The following CYTH3 variants were observed in gnomAD, a reference collection of about 807,000 sequenced individuals.
CYTH3 encodes the protein cytohesin 3, also known as cytohesin-3.
A neutral mutation model predicts 55.1 loss-of-function variants in CYTH3; 23 were observed. That is an observed-to-expected ratio of 0.42 (90% CI 0.30 to 0.59). CYTH3 has a LOEUF of 0.59. Among genes scored for constraint, CYTH3 ranks in the 20% least tolerant of loss-of-function variants. The pLI, the probability that CYTH3 is intolerant of heterozygous loss-of-function variation, is 0.20. For synonymous variants in CYTH3, 249 were observed against 194.9 expected, an observed-to-expected ratio of 1.28 and a Z score of -2.31; for missense variants, 413 against 524.8, an observed-to-expected ratio of 0.79 and a Z score of 2.08.
At chr7:6,207,086 C>CT (rs58910123) in intron 1 of CYTH3, among the ~76,000 whole-genome samples, 7,070 of 104,088 alleles carry the variant, frequency 0.068, 1,371 homozygotes, top group East Asian at 0.36. Context: ...AAATGTGCAA[C>CT]TTTTTTTTTT....
chr7:6,272,045 C>T (rs912226798), intron 1 of CYTH3, among the ~76,000 whole-genome samples: 1 of 152,240 alleles, frequency 6.6e-6, no homozygotes, highest in Non-Finnish European at 1.5e-5. Context: ...CCCGGTTTCC[C>T]ACCGGCTCAG....
intron 2 of CYTH3, among the ~76,000 whole-genome samples, chr7:6,189,247 C>A (rs573475667): frequency 1.3e-5 from 2 of 152,284 alleles, no homozygotes; most frequent in Non-Finnish European, 1.5e-5. Context: ...CTACCCCATC[C>A]TCTGAGTAAA....
chr7:6,201,225 TC>T (rs1006411872), intron 1 of CYTH3, among the ~76,000 whole-genome samples: 4 of 152,080 alleles, frequency 2.6e-5, no homozygotes, highest in Non-Finnish European at 5.9e-5. Flanking sequence ...AACTATGACA[TC>T]CAGGTGGGTA....
chr7:6,211,121 C>G (rs1353328547), intron 1 of CYTH3, among the ~76,000 whole-genome samples: 1 of 152,200 alleles, frequency 6.6e-6, no homozygotes, highest in Non-Finnish European at 1.5e-5. Context: ...TAGTGCCCTC[C>G]CTGATCCGAC....
chr7:6,207,527 A>G (rs1376048099), intron 1 of CYTH3, among the ~76,000 whole-genome samples: 1 of 152,120 alleles, frequency 6.6e-6, no homozygotes, highest in African/African-American at 2.4e-5. Context: ...TACTTTGGGA[A>G]GCCAAGGGGG....
chr7:6,225,430 C>T lies in CYTH3; in HGVS notation c.35-34899G>A, dbSNP rs372651211. Among the ~76,000 whole-genome samples, 293 of 150,350 alleles carry T rather than the reference C, an allele frequency of 1.9e-3. 2 individuals are homozygous for T. The highest frequency in any genetic ancestry group is 6.8e-3 in the African/African-American group (272 of 40,264). On this transcript the variant is annotated intron_variant, in intron 1 of 12. Coordinates refer to ENST00000350796, the MANE Select transcript of CYTH3 (RefSeq NM_004227.4). ...GTGCAATGGCACGATCTCGGCTCAC[C>T]ACAACCTCTACCTCCCGGGTTCAAG...
intron 1 of CYTH3, among the ~76,000 whole-genome samples, chr7:6,222,691 G>C (rs1432369231): frequency 6.7e-6 from 1 of 150,256 alleles, no homozygotes; most frequent in Non-Finnish European, 1.5e-5. Flanking sequence ...AGGTTGCGGT[G>C]AGCTGAGATC....
Position 6,237,736 on chromosome 7 carries a change from A to C in CYTH3, c.34+34738T>G, listed in dbSNP as rs557905790. On this transcript the variant is annotated intron_variant, in intron 1 of 12. Coordinates refer to ENST00000350796, the MANE Select transcript of CYTH3 (RefSeq NM_004227.4). ...AAATAACAACAAAAAAAAACCACAC[A>C]TGCAATGTTTATTTCCAAAAGTATT... is the stretch of plus-strand genomic sequence containing the variant. Among the ~76,000 whole-genome samples, 45 of 152,164 alleles carry C rather than the reference A, an allele frequency of 3.0e-4. No individual in the cohort carries two copies. In the Middle Eastern group the frequency reaches 0.014, roughly 46 times the overall value.
intron 9 of CYTH3, 122 bp from the exon 10 acceptor site, chr7:6,165,932 G>A (rs1192264771): frequency 2.2e-6 from 2 of 927,536 alleles, no homozygotes; most frequent in African/African-American, 3.3e-5. Context: ...CGCCAGGCTT[G>A]GGTTCAGGTG....
At chr7:6,207,967 G>A (rs980608965) in intron 1 of CYTH3, among the ~76,000 whole-genome samples, 1 of 151,994 alleles carries the variant, frequency 6.6e-6, no homozygotes. Flanking sequence ...TGGGGGGAAA[G>A]GTGTTAGAAG....
intron 1 of CYTH3, among the ~76,000 whole-genome samples, chr7:6,219,709 T>G (rs1288780375): frequency 6.6e-6 from 1 of 152,138 alleles, no homozygotes; most frequent in African/African-American, 2.4e-5. Flanking sequence ...CCCACAAGGT[T>G]TTTGAGGATG....
intron 1 of CYTH3, among the ~76,000 whole-genome samples, chr7:6,225,038 G>A (rs57153401): frequency 0.043 from 6,504 of 152,260 alleles, 409 homozygotes; most frequent in East Asian, 0.32. Context: ...GGCTGGCGCT[G>A]GGGTAAGGAC....
chr7:6,199,418 T>C (rs768922967), intron 1 of CYTH3, among the ~76,000 whole-genome samples: 1 of 152,098 alleles, frequency 6.6e-6, no homozygotes, highest in Non-Finnish European at 1.5e-5. Flanking sequence ...GGGGAGTCTG[T>C]AGCAGGAGGA....
intron 1 of CYTH3, among the ~76,000 whole-genome samples, chr7:6,196,299 T>C (rs1289019018): frequency 6.6e-6 from 1 of 151,832 alleles, no homozygotes; most frequent in Non-Finnish European, 1.5e-5. Context: ...ACGTGAGAAG[T>C]AGGAAAGAAT....
chr7:6,262,564 A>G (rs751673969), intron 1 of CYTH3, among the ~76,000 whole-genome samples: 5 of 152,196 alleles, frequency 3.3e-5, no homozygotes, highest in Non-Finnish European at 7.3e-5. Context: ...CAGTAAAACT[A>G]CCCCTTCAAA....
chr7:6,235,807 A>G (rs1019424438), intron 1 of CYTH3, among the ~76,000 whole-genome samples: 1 of 152,154 alleles, frequency 6.6e-6, no homozygotes, highest in Non-Finnish European at 1.5e-5. Flanking sequence ...GGAGTTTTCT[A>G]TTCTCTTCCC....
chr7:6,272,293 C>T (rs1478051472), intron 1 of CYTH3, among the ~76,000 whole-genome samples, 181 bp downstream of exon 1: 2 of 151,514 alleles, frequency 1.3e-5, no homozygotes, highest in African/African-American at 4.8e-5. Flanking sequence ...CCTCCCTCGG[C>T]CCCCGGAGAC....
intron 1 of CYTH3, among the ~76,000 whole-genome samples, chr7:6,228,229 G>A (rs879805382): frequency 6.6e-6 from 1 of 151,860 alleles, no homozygotes; most frequent in Non-Finnish European, 1.5e-5. Flanking sequence ...TAAAGAGAAT[G>A]ATCATATAAG....
chr7:6,206,319 C>G (rs754138924), intron 1 of CYTH3, among the ~76,000 whole-genome samples: 3 of 152,192 alleles, frequency 2.0e-5, no homozygotes, highest in Non-Finnish European at 2.9e-5. Flanking sequence ...GAACTGAGAA[C>G]ACGATGCTAG....
Sources: allele counts gnomAD v4.1 joint callset (sites outside exome capture counted in the v4.1 genomes callset), GRCh38; gene constraint gnomAD v4.1.1; transcripts MANE v1.5; gene names NCBI Gene and HGNC (gene_info 2026-07-23, HGNC 2026-07-21).